MMP15: variants seen among roughly 807,000 people sequenced by gnomAD.
The protein encoded by MMP15 is matrix metallopeptidase 15, also known as matrix metalloproteinase-15.
Under a neutral mutation model 65.0 loss-of-function variants are expected in MMP15, and 36 were observed. The observed-to-expected ratio is 0.55, with a 90% CI of 0.42 to 0.73. MMP15 has a LOEUF of 0.73. MMP15 is among the 30% of genes least tolerant of loss of function. The pLI is 0.00. For missense variants in MMP15, 870 were observed against 987.8 expected (o/e 0.88, Z 1.60); for synonymous variants, 428 against 410.2 (o/e 1.04, Z -0.52).
chr16:58,027,938 C>T (rs1963846275), intron 1 of MMP15, among the ~76,000 whole-genome samples: 1 of 152,044 alleles, frequency 6.6e-6, no homozygotes, highest in African/African-American at 2.4e-5. Context: ...CAGCCTGTGA[C>T]CCAAGTACTG....
intron 1 of MMP15, among the ~76,000 whole-genome samples, chr16:58,028,259 G>A (rs753757281): frequency 6.6e-6 from 1 of 152,198 alleles, no homozygotes; most frequent in Non-Finnish European, 1.5e-5. Context: ...AAGAAGCCAT[G>A]GTTGCGTTAT....
chr16:58,037,898 G>A (rs1403652241), intron 2 of MMP15, among the ~76,000 whole-genome samples: 1 of 152,216 alleles, frequency 6.6e-6, no homozygotes, highest in Non-Finnish European at 1.5e-5. Context: ...TACAGTACAG[G>A]AGCTGTGGAA....
At chr16:58,044,521 G>A (rs895400869) in intron 9 of MMP15, among the ~76,000 whole-genome samples, 1 of 152,184 alleles carries the variant, frequency 6.6e-6, no homozygotes, top group Non-Finnish European at 1.5e-5. Context: ...CTGATCTCTT[G>A]TGCTCACCCC....
At chr16:58,038,434 G>GCAGGC in intron 3 of MMP15, 40 bp downstream of exon 3, 1 of 1,610,424 alleles carries the variant, frequency 6.2e-7, no homozygotes, top group East Asian at 2.2e-5. Context: ...CTGCCCCTCG[G>GCAGGC]CAGGCCGAGC....
rs1567430991 is a variant in MMP15, at chr16:58,040,444, G to T, written c.749-93G>T. The T allele has an allele frequency of 6.8e-6, 10 of 1,461,306 alleles. No individual in the cohort carries two copies. In the South Asian group the frequency reaches 1.3e-4, roughly 19 times the overall value. The allele number at this position is 1,461,306 out of a possible 1,614,324, so 90.5% of individuals were successfully genotyped here. A position where few individuals can be genotyped will look rare whatever the true frequency, so the allele number is the denominator to read the frequency against. ...TCTTCCAAGAGGGAAGCAAGGGCAGGCTCTCTGGCAGCCTCAGCCTGGAGG... is the reference window on the plus strand; with the variant it reads ...TCTTCCAAGAGGGAAGCAAGGGCAGTCTCTCTGGCAGCCTCAGCCTGGAGG... On this transcript the variant is annotated intron_variant, in intron 4 of 9. Transcript: ENST00000219271.
chr16:58,044,415 C>T (rs1959513976), intron 9 of MMP15, among the ~76,000 whole-genome samples: 1 of 152,200 alleles, frequency 6.6e-6, no homozygotes, highest in South Asian at 2.1e-4. Context: ...CCACTATACT[C>T]CAGCCTGGGT....
In MMP15 at chr16:58,045,829, G is replaced by T; in HGVS notation, c.*383G>T. 1 of 213,192 alleles carries T rather than the reference G, an allele frequency of 4.7e-6. No individual in the cohort carries two copies. Among genetic ancestry groups the T allele is most frequent in the Non-Finnish European group, 9.3e-6 (1 of 107,034 alleles). The allele number at this position is 213,192 out of a possible 1,614,324, so 13.2% of individuals were successfully genotyped here. A position where few individuals can be genotyped will look rare whatever the true frequency, so the allele number is the denominator to read the frequency against. On this transcript the variant is annotated 3_prime_UTR_variant, in exon 10 of 10. Coordinates refer to ENST00000219271, the MANE Select transcript of MMP15 (RefSeq NM_002428.4). Reference sequence around the variant, plus strand: ...CTGCCAGGCTCTCTTTGCCCAGTTGGAGACTGTCTGGCCCCCCTGGTCCCC... The same window carrying T: ...CTGCCAGGCTCTCTTTGCCCAGTTGTAGACTGTCTGGCCCCCCTGGTCCCC...
intron 1 of MMP15, among the ~76,000 whole-genome samples, chr16:58,030,635 C>T (rs535500708): frequency 6.6e-6 from 1 of 152,200 alleles, no homozygotes; most frequent in South Asian, 2.1e-4. Context: ...GGCACTGGCA[C>T]TGGCACTGCC....
intron 1 of MMP15, among the ~76,000 whole-genome samples, chr16:58,029,445 C>T (rs376369812): frequency 5.3e-5 from 8 of 152,340 alleles, no homozygotes; most frequent in Middle Eastern, 3.4e-3. Flanking sequence ...TCCCCCTCCC[C>T]TCTTGTCTCT....
rs1056511709 is a variant in MMP15 at position 58,046,010 on chromosome 16, C to G, written c.*564C>G. The G allele has an allele frequency of 1.3e-5, 2 of 153,536 alleles. No homozygotes were observed. The highest frequency in any genetic ancestry group is 1.3e-4 in the Admixed American group (2 of 15,500). The allele number at this position is 153,536 out of a possible 1,614,324, so 9.5% of individuals were successfully genotyped here. A position where few individuals can be genotyped will look rare whatever the true frequency, so the allele number is the denominator to read the frequency against. On this transcript the variant is annotated 3_prime_UTR_variant, in exon 10 of 10. Coordinates refer to ENST00000219271, the MANE Select transcript of MMP15 (RefSeq NM_002428.4). Reference sequence around the variant, plus strand: ...ATCCAGTGGACTTCGCAGTCCACTTCTGACAGCCTCAGTGACCCTGGCTCC... The same window carrying G: ...ATCCAGTGGACTTCGCAGTCCACTTGTGACAGCCTCAGTGACCCTGGCTCC...
In MMP15 at chr16:58,045,322, T is replaced by C; in HGVS notation, c.1886T>C (p.Val629Ala). The change falls in exon 10 of 10, where the codon GTG becomes GCG. Residue 629 changes from valine to alanine, a missense_variant. Transcript: ENST00000219271. Reference sequence around the variant, plus strand: ...GCACGGACGGTGAACGTGGTGATGGTGCTGGTGCCACTGCTGCTGCTGCTC... The same window carrying C: ...GCACGGACGGTGAACGTGGTGATGGCGCTGGTGCCACTGCTGCTGCTGCTC... ...EVARTVNVVM[V>A]LVPLLLLLCV... 6.2e-7 allele frequency: 1 copy of C among 1,609,310 alleles called. No homozygotes were observed. Among genetic ancestry groups the C allele is most frequent in the African/African-American group, 1.3e-5 (1 of 74,954 alleles).
At chr16:58,042,569 T>C (rs1222470253) in intron 7 of MMP15, among the ~76,000 whole-genome samples, 200 bp downstream of exon 7, 1 of 152,178 alleles carries the variant, frequency 6.6e-6, no homozygotes, top group African/African-American at 2.4e-5. Flanking sequence ...GGGTTGGACC[T>C]GCAACCCGGA....
Position 58,026,128 on chromosome 16 carries a change from G to A in MMP15, c.-223G>A. 1 of 416,982 alleles carries A rather than the reference G, an allele frequency of 2.4e-6. No individual in the cohort carries two copies. Among genetic ancestry groups the A allele is most frequent in the Non-Finnish European group, 4.0e-6 (1 of 248,650 alleles). The allele number at this position is 416,982 out of a possible 1,614,324, so 25.8% of individuals were successfully genotyped here. On this transcript the variant is annotated 5_prime_UTR_variant, in exon 1 of 10. Coordinates refer to ENST00000219271, the MANE Select transcript of MMP15 (RefSeq NM_002428.4). ...ACCTCGCCGGGGGCAGCTCCGGTCG[G>A]CCCCCTTTCCCGCCGGCTGGTTCCG...
chr16:58,042,497 A>C, intron 7 of MMP15, 128 bp downstream of exon 7: 21 of 1,329,486 alleles, frequency 1.6e-5, no homozygotes, highest in Non-Finnish European at 2.1e-5. Flanking sequence ...CTGTGGGCTC[A>C]CTCTGGGAGG....
At chr16:58,034,683 G>A (rs1208052421) in intron 1 of MMP15, among the ~76,000 whole-genome samples, 2 of 152,194 alleles carry the variant, frequency 1.3e-5, no homozygotes, top group African/African-American at 4.8e-5. Flanking sequence ...CCCATCCTCA[G>A]CCTCTGGCTC....
intron 1 of MMP15, among the ~76,000 whole-genome samples, chr16:58,031,165 A>G (rs75689512): frequency 5.4e-4 from 82 of 152,314 alleles, no homozygotes; most frequent in African/African-American, 1.9e-3. Context: ...CCCGCATTCC[A>G]TAGCCAGGGA....
At chr16:58,037,383 G>A in intron 1 of MMP15, 89 bp from the exon 2 acceptor site, 1 of 1,513,998 alleles carries the variant, frequency 6.6e-7, no homozygotes, top group Non-Finnish European at 9.0e-7. Flanking sequence ...CAGCGGTGGT[G>A]GAGGTGGTGG....
In MMP15 at chr16:58,026,518, AC is replaced by A; in HGVS notation, c.162+11del. On this transcript the variant is annotated splice_region_variant and intron_variant, in intron 1 of 9. Transcript: ENST00000219271. Reference sequence around the variant, plus strand: ...ACGCGGAGGTCCATGCCGAGGTAAGACCCCCGCCCTGCCCTTTGGCTGCGGG... The same window carrying A: ...ACGCGGAGGTCCATGCCGAGGTAAGACCCCGCCCTGCCCTTTGGCTGCGGG... The A allele has an allele frequency of 2.3e-6, 3 of 1,328,630 alleles. No individual in the cohort carries two copies. Among genetic ancestry groups the A allele is most frequent in the Non-Finnish European group, 1.9e-6 (2 of 1,036,858 alleles). 82.3% of individuals were successfully genotyped at this position (1,328,630 alleles called of 1,614,324 possible). A position where few individuals can be genotyped will look rare whatever the true frequency, so the allele number is the denominator to read the frequency against.
chr16:58,027,750 T>G (rs1391746106), intron 1 of MMP15, among the ~76,000 whole-genome samples: 1 of 152,110 alleles, frequency 6.6e-6, no homozygotes, highest in African/African-American at 2.4e-5. Flanking sequence ...TCCCAGCCAT[T>G]TCCCCACCTG....
Sources: allele counts gnomAD v4.1 joint callset (sites outside exome capture counted in the v4.1 genomes callset), GRCh38; gene constraint gnomAD v4.1.1; transcripts MANE v1.5; gene names NCBI Gene and HGNC (gene_info 2026-07-23, HGNC 2026-07-21).